The following HDAC4 variants were observed in gnomAD, a reference collection of about 807,000 sequenced individuals.
The protein encoded by HDAC4 is histone deacetylase 4.
In HDAC4, 16 loss-of-function variants were observed where a neutral mutation model predicts 135.1. That is an observed-to-expected ratio of 0.12 (90% CI 0.08 to 0.18). HDAC4 has a LOEUF of 0.18. Among genes scored for constraint, HDAC4 ranks in the 10% least tolerant of loss-of-function variants. The pLI, the probability that HDAC4 is intolerant of heterozygous loss-of-function variation, is 1.00. For synonymous variants in HDAC4, 685 were observed against 653.4 expected (o/e 1.05, Z -0.74); for missense variants, 1,143 against 1,511.8 (o/e 0.76, Z 4.05).
intron 2 of HDAC4, among the ~76,000 whole-genome samples, chr2:239,284,001 G>A (rs576477527): frequency 4.9e-4 from 74 of 152,304 alleles, no homozygotes; most frequent in African/African-American, 1.6e-3. Flanking sequence ...CAAGGGCGTC[G>A]GCGCAGGGGC....
rs141834588 is a variant in HDAC4 at position 239,224,745 on chromosome 2, T to G, written c.94+11848A>C. Among the ~76,000 whole-genome samples, 56 of 152,310 alleles carry G rather than the reference T, an allele frequency of 3.7e-4. No homozygotes were observed. The East Asian group carries it at 0.011, about 29-fold the overall frequency. Reference sequence around the variant, plus strand: ...CAGGGGATGGCATTAGAAGGCCCAATCAATATGAATGAGTGAATGAATGAA... The same window carrying G: ...CAGGGGATGGCATTAGAAGGCCCAAGCAATATGAATGAGTGAATGAATGAA... On this transcript the variant is annotated intron_variant, in intron 3 of 26. Transcript: ENST00000543185.
intron 22 of HDAC4, among the ~76,000 whole-genome samples, chr2:239,070,379 A>G (rs78720681): frequency 7.2e-5 from 11 of 152,384 alleles, no homozygotes; most frequent in African/African-American, 2.4e-4. Context: ...AAAGTATTCT[A>G]TTTGGAAAGG....
intron 2 of HDAC4, among the ~76,000 whole-genome samples, chr2:239,295,647 C>G (rs2051841136): frequency 6.6e-6 from 1 of 152,220 alleles, no homozygotes; most frequent in Middle Eastern, 3.2e-3. Flanking sequence ...TGTTTCCTTT[C>G]AAGCTCAGCC....
intron 1 of HDAC4, among the ~76,000 whole-genome samples, chr2:239,393,840 G>A (rs983932015): frequency 7.9e-5 from 12 of 152,228 alleles, no homozygotes; most frequent in African/African-American, 2.7e-4. Context: ...GTCTGGCACA[G>A]AGAATGTGTT....
At chr2:239,261,967 G>A (rs547209942) in intron 2 of HDAC4, among the ~76,000 whole-genome samples, 116 of 152,304 alleles carry the variant, frequency 7.6e-4, no homozygotes, top group Middle Eastern at 3.4e-3. Flanking sequence ...CACTGCCTTC[G>A]TGAGCCCCCG....
intron 2 of HDAC4, among the ~76,000 whole-genome samples, chr2:239,255,284 T>C (rs891045209): frequency 7.0e-6 from 1 of 143,486 alleles, no homozygotes; most frequent in Admixed American, 7.3e-5. Flanking sequence ...ATGTGTAATC[T>C]TGTTTTCTCA....
intron 12 of HDAC4, among the ~76,000 whole-genome samples, chr2:239,125,547 CTGAG>C (rs1395781439): frequency 2.0e-5 from 3 of 152,190 alleles, no homozygotes; most frequent in African/African-American, 4.8e-5. Context: ...CTGTGAATGC[CTGAG>C]TGAGTTTACG....
At chr2:239,083,640 T>C (rs2035574459) in intron 20 of HDAC4, among the ~76,000 whole-genome samples, 1 of 152,244 alleles carries the variant, frequency 6.6e-6, no homozygotes, top group Admixed American at 6.5e-5. Context: ...TACCTATTCG[T>C]GGAATTCAGA....
intron 23 of HDAC4, 54 bp from the exon 24 acceptor site, chr2:239,066,909 AC>A: frequency 6.3e-7 from 1 of 1,588,580 alleles, no homozygotes; most frequent in East Asian, 2.3e-5. Flanking sequence ...CGCAGCCAGC[AC>A]AGCCCAGAAA....
intron 1 of HDAC4, among the ~76,000 whole-genome samples, chr2:239,380,709 G>T (rs1255637078): frequency 6.6e-6 from 1 of 152,120 alleles, no homozygotes; most frequent in Non-Finnish European, 1.5e-5. Context: ...TACCACAATT[G>T]AAAATTTTTT....
chr2:239,098,976 C>T (rs1373809963), intron 16 of HDAC4, among the ~76,000 whole-genome samples: 2 of 152,196 alleles, frequency 1.3e-5, no homozygotes, highest in Admixed American at 6.5e-5. Context: ...TTCCTGTAAA[C>T]AAAAGAAACT....
intron 12 of HDAC4, among the ~76,000 whole-genome samples, chr2:239,123,255 G>A (rs2152837776): frequency 6.6e-6 from 1 of 152,362 alleles, no homozygotes; most frequent in Admixed American, 6.5e-5. Context: ...TGACACCTGG[G>A]AGTAAAGATG....
At chr2:239,063,768 T>C (rs2033119947) in intron 24 of HDAC4, among the ~76,000 whole-genome samples, 1 of 152,208 alleles carries the variant, frequency 6.6e-6, no homozygotes, top group African/African-American at 2.4e-5. Context: ...AGGGTCACCC[T>C]GCCCTTGGCG....
intron 2 of HDAC4, among the ~76,000 whole-genome samples, chr2:239,316,406 C>G (rs1428334720): frequency 6.6e-6 from 1 of 152,098 alleles, no homozygotes; most frequent in African/African-American, 2.4e-5. Flanking sequence ...TTGAGACCAG[C>G]CTGAGCAACA....
chr2:239,127,194 A>G (rs1327447328), intron 11 of HDAC4, among the ~76,000 whole-genome samples: 1 of 152,218 alleles, frequency 6.6e-6, no homozygotes, highest in African/African-American at 2.4e-5. Flanking sequence ...CATCGTTTTA[A>G]GGTCTCTTCG....
At chr2:239,361,044 C>T (rs1386452375) in intron 1 of HDAC4, among the ~76,000 whole-genome samples, 1 of 152,218 alleles carries the variant, frequency 6.6e-6, no homozygotes, top group Non-Finnish European at 1.5e-5. Flanking sequence ...ACGCTCATTC[C>T]TGTCACCCTA....
intron 7 of HDAC4, among the ~76,000 whole-genome samples, chr2:239,147,362 A>G (rs3791489): frequency 0.082 from 12,446 of 152,328 alleles, 673 homozygotes; most frequent in East Asian, 0.18. Context: ...CTTAAGACAT[A>G]GGGACCTACA....
intron 2 of HDAC4, among the ~76,000 whole-genome samples, chr2:239,350,062 G>A (rs1426682747): frequency 1.3e-5 from 2 of 152,192 alleles, no homozygotes; most frequent in African/African-American, 4.8e-5. Flanking sequence ...AGCACCCCGC[G>A]GTTTCCAGAG....
chr2:239,221,950 A>C (rs2046979761), intron 3 of HDAC4, among the ~76,000 whole-genome samples: 1 of 152,262 alleles, frequency 6.6e-6, no homozygotes, highest in Non-Finnish European at 1.5e-5. Flanking sequence ...TCAACAACGC[A>C]GCAAGCTTTA....
Sources: allele counts gnomAD v4.1 joint callset (sites outside exome capture counted in the v4.1 genomes callset), GRCh38; gene constraint gnomAD v4.1.1; transcripts MANE v1.5; gene names NCBI Gene and HGNC (gene_info 2026-07-23, HGNC 2026-07-21).